The following RRP8 variants were observed in gnomAD, a reference collection of about 807,000 sequenced individuals.
The protein encoded by RRP8 is ribosomal RNA processing 8.
Under a neutral mutation model 45.0 loss-of-function variants are expected in RRP8, and 48 were observed. The observed-to-expected ratio is 1.07, with a 90% confidence interval of 0.85 to 1.36. RRP8 has a LOEUF of 1.36. Among genes scored for constraint, RRP8 ranks in the 40% most tolerant of loss-of-function variants. RRP8 has a pLI of 0.00. For synonymous variants in RRP8, 274 were observed against 212.4 expected (o/e 1.29, Z -2.52); for missense variants, 658 against 573.7 (o/e 1.15, Z -1.50).
In RRP8 at chr11:6,597,920, C is replaced by T. The variant is rs11608219; in HGVS notation, c.*2226G>A. 4.7e-3 allele frequency: 716 copies of T among 152,062 alleles called. 6 individuals are homozygous for T. The highest frequency in any genetic ancestry group is 0.038 in the Middle Eastern group (11 of 292). 9.4% of individuals were successfully genotyped at this position (152,062 alleles called of 1,614,324 possible). A position where few individuals can be genotyped will look rare whatever the true frequency, so the allele number is the denominator to read the frequency against. ...AAAAAAAAAAAAAAAATTAACTCTC[C>T]TGGTTTTACTCCTACATCTCTGGGT... On this transcript the variant is annotated 3_prime_UTR_variant, in exon 7 of 7. Transcript: ENST00000254605.
chr11:6,600,172 G>A lies in RRP8; in HGVS notation c.1345C>T (p.Gln449Ter). ...CACCTGCGCTTGTAGAGACATGGCT[G>A]AAGCTGCAGGCCTGAAAGCTGAGCC... is the stretch of plus-strand genomic sequence containing the variant. ...PKAQLSGLQL[Q>*]PCLYKRR The change falls in exon 7 of 7, where the codon CAG becomes TAG. Residue 449 changes from glutamine (Q) to a stop codon, truncating the protein, a stop_gained. Coordinates refer to ENST00000254605, the MANE Select transcript of RRP8 (RefSeq NM_015324.4). LOFTEE classifies it high-confidence loss of function. 1 of 1,600,590 alleles carries A rather than the reference G, an allele frequency of 6.2e-7. No homozygotes were observed. The highest frequency in any genetic ancestry group is 8.5e-7 in the Non-Finnish European group (1 of 1,175,498).
Position 6,603,418 on chromosome 11 carries a change from A to C in RRP8, c.85T>G (p.Ser29Ala). 6.2e-7 allele frequency: 1 copy of C among 1,602,490 alleles called. No homozygotes were observed. The highest frequency in any genetic ancestry group is 1.7e-5 in the Admixed American group (1 of 58,518). The part of the protein sequence containing the change: ...PVISRPPPAA[S>A]SQNKGSKRRQ... ...GAGTCACTCACCTTGTTTTGCGAGG[A>C]GGCCGCAGGCGGAGGTCGTGAGATT... The change falls in exon 1 of 7, where the codon TCC becomes GCC. Residue 29 changes from serine (S) to alanine (A), a missense_variant. By Grantham distance (99) the Ser-to-Ala change is moderately conservative (BLOSUM62 1). Transcript: ENST00000254605.
In RRP8 at chr11:6,596,239, G is replaced by A. The variant is rs1197939822; in HGVS notation, c.*3907C>T. The A allele has an allele frequency of 6.6e-6, 1 of 152,270 alleles. No individual in the cohort carries two copies. Among genetic ancestry groups the A allele is most frequent in the Non-Finnish European group, 1.5e-5 (1 of 68,052 alleles). 9.4% of individuals were successfully genotyped at this position (152,270 alleles called of 1,614,324 possible). On this transcript the variant is annotated 3_prime_UTR_variant, in exon 7 of 7. Coordinates refer to ENST00000254605, the MANE Select transcript of RRP8 (RefSeq NM_015324.4). ...GGTATGAATTCAGGAAGATGAAAAT[G>A]AGCTCACTGGGGAAAGAGTATTCAA...
intron 2 of RRP8, 105 bp from the exon 3 acceptor site, chr11:6,601,707 G>A (rs186050808): frequency 6.7e-7 from 1 of 1,481,766 alleles, no homozygotes; most frequent in Non-Finnish European, 9.0e-7. Flanking sequence ...TCGTGACTGT[G>A]GCCTGCAGAG....
rs1233739074 is a variant in RRP8 at position 6,599,854 on chromosome 11, G to C, written c.*292C>G. ...GTTGGAAAGAAGAGCAAAACCTAAAGATGCCTTGAATTCCAAACCATCTAG... is the reference window on the plus strand; with the variant it reads ...GTTGGAAAGAAGAGCAAAACCTAAACATGCCTTGAATTCCAAACCATCTAG... On this transcript the variant is annotated 3_prime_UTR_variant, in exon 7 of 7. Coordinates refer to ENST00000254605, the MANE Select transcript of RRP8 (RefSeq NM_015324.4). 5.1e-6 allele frequency: 1 copy of C among 195,582 alleles called. No homozygotes were observed. Among genetic ancestry groups the C allele is most frequent in the East Asian group, 1.2e-4 (1 of 8,408 alleles). The allele number at this position is 195,582 out of a possible 1,614,324, so 12.1% of individuals were successfully genotyped here.
Position 6,601,465 on chromosome 11 carries a change from T to C in RRP8, c.601A>G (p.Lys201Glu), listed in dbSNP as rs763055185. ...RQKNKRRCKN[K>E]FQPPQVPDQA... is the part of the protein sequence containing the mutation. ...TCTGGCACCTGAGGTGGCTGAAACT[T>C]GTTCTTACATCTTCTCTTGTTCTTT... Residue 201 changes from lysine (K) to glutamate (E), a missense_variant, in exon 3 of 7, where the codon AAG becomes GAG. Lys to Glu is a moderately conservative substitution (Grantham distance 56). Transcript: ENST00000254605. The C allele has an allele frequency of 1.2e-6, 2 of 1,614,040 alleles. No homozygotes were observed. The highest frequency in any genetic ancestry group is 3.3e-5 in the Admixed American group (2 of 60,026).
chr11:6,602,343 A>G (rs1210242406), intron 1 of RRP8, 128 bp from the exon 2 acceptor site: 1 of 1,135,662 alleles, frequency 8.8e-7, no homozygotes. Context: ...CAAGCCTGCC[A>G]GAACCCAGAA....
chr11:6,602,682 G>A (rs138373863), intron 1 of RRP8, among the ~76,000 whole-genome samples: 9 of 152,318 alleles, frequency 5.9e-5, no homozygotes, highest in East Asian at 1.9e-4. Context: ...AGAGGCCAGC[G>A]GCTTGGACAA....
rs1258998145 is a variant in RRP8, at chr11:6,603,538, C to T, written c.-36G>A. ...AGGGCAGGGTCGCCGAGTCCCCGCT[C>T]TTCTCCACGTGCACAGCGCTCCTCT... On this transcript the variant is annotated 5_prime_UTR_variant, in exon 1 of 7. Transcript: ENST00000254605. The T allele has an allele frequency of 1.5e-6, 2 of 1,356,458 alleles. No homozygotes were observed. Among genetic ancestry groups the T allele is most frequent in the Admixed American group, 4.5e-5 (2 of 44,802 alleles). The allele number at this position is 1,356,458 out of a possible 1,614,324, so 84.0% of individuals were successfully genotyped here.
Position 6,600,178 on chromosome 11 carries a change from G to A in RRP8, c.1339C>T (p.Gln447Ter), listed in dbSNP as rs1854306117. Reference sequence around the variant, plus strand: ...CGCTTGTAGAGACATGGCTGAAGCTGCAGGCCTGAAAGCTGAGCCTTGGGC... The same window carrying A: ...CGCTTGTAGAGACATGGCTGAAGCTACAGGCCTGAAAGCTGAGCCTTGGGC... ...VGPKAQLSGLQLQPCLYKRR is the reference protein window; with the variant it reads ...VGPKAQLSGL Residue 447 changes from glutamine to a stop codon, truncating the protein, a stop_gained, in exon 7 of 7, where the codon CAG becomes TAG. Coordinates refer to ENST00000254605, the MANE Select transcript of RRP8 (RefSeq NM_015324.4). LOFTEE classifies it high-confidence loss of function. 6.2e-7 allele frequency: 1 copy of A among 1,602,258 alleles called. No individual in the cohort carries two copies. Among genetic ancestry groups the A allele is most frequent in the South Asian group, 1.1e-5 (1 of 89,212 alleles).
At position 6,597,174 on chromosome 11, in the gene RRP8, G is replaced by C. The variant is rs137871015; in HGVS notation, c.*2972C>G. On this transcript the variant is annotated 3_prime_UTR_variant, in exon 7 of 7. Transcript: ENST00000254605. ...AAGTCTAGGAGCCTGCACTGGGAAA[G>C]GGAGGAGTGATTGGTATGCTCTTCC... 33 of 152,320 alleles carry C rather than the reference G, an allele frequency of 2.2e-4. No homozygotes were observed. The highest frequency in any genetic ancestry group is 7.5e-4 in the African/African-American group (31 of 41,580). The allele number at this position is 152,320 out of a possible 1,614,324, so 9.4% of individuals were successfully genotyped here.
At chr11:6,603,165 C>T (rs961509617) in intron 1 of RRP8, among the ~76,000 whole-genome samples, 1 of 152,322 alleles carries the variant, frequency 6.6e-6, no homozygotes, top group African/African-American at 2.4e-5. Context: ...CTCTCTTGTC[C>T]CAGGGCCCTT....
chr11:6,602,011 G>T lies in RRP8; in HGVS notation c.304C>A (p.Pro102Thr), dbSNP rs1466099985. 6.2e-7 allele frequency: 1 copy of T among 1,614,068 alleles called. No homozygotes were observed. Among genetic ancestry groups the T allele is most frequent in the African/African-American group, 1.3e-5 (1 of 75,002 alleles). Reference sequence around the variant, plus strand: ...ACTTCTTCCTCAGAGTCACTGCAAGGTGGGCCCTGTTTTTGACATTTCTTC... The same window carrying T: ...ACTTCTTCCTCAGAGTCACTGCAAGTTGGGCCCTGTTTTTGACATTTCTTC... ...GKKKCQKQGP[P>T]CSDSEEEVER... Residue 102 changes from proline to threonine, a missense_variant, in exon 2 of 7, where the codon CCT becomes ACT. Pro to Thr is a conservative substitution (Grantham distance 38, BLOSUM62 -1). Transcript: ENST00000254605.
Position 6,600,204 on chromosome 11 carries a change from C to T in RRP8, c.1313G>A (p.Gly438Glu). 3 of 1,608,270 alleles carry T rather than the reference C, an allele frequency of 1.9e-6. No homozygotes were observed. The highest frequency in any genetic ancestry group is 2.5e-6 in the Non-Finnish European group (3 of 1,177,986). The change falls in exon 7 of 7, where the codon GGG (glycine) becomes GAG (glutamate). Residue 438 changes from glycine to glutamate, a missense_variant. By Grantham distance (98) the Gly-to-Glu change is moderately conservative (BLOSUM62 -2). Coordinates refer to ENST00000254605, the MANE Select transcript of RRP8 (RefSeq NM_015324.4). The part of the protein sequence containing the change: ...DFQKTGPPLV[G>E]PKAQLSGLQL... ...CAGGCCTGAAAGCTGAGCCTTGGGCCCTACCAGAGGGGGCCCAGTCTTTTG... is the reference window on the plus strand; with the variant it reads ...CAGGCCTGAAAGCTGAGCCTTGGGCTCTACCAGAGGGGGCCCAGTCTTTTG...
Position 6,595,177 on chromosome 11 carries a change from A to G in RRP8, c.*4969T>C, listed in dbSNP as rs1035501537. On this transcript the variant is annotated 3_prime_UTR_variant, in exon 7 of 7. Coordinates refer to ENST00000254605, the MANE Select transcript of RRP8 (RefSeq NM_015324.4). The stretch of plus-strand genomic sequence containing the variant: ...AGCCTGAAATTCCTGGGCTCAAGCA[A>G]TCCTCCCACCTCAGCCTTCCTAGTA... 1 of 152,018 alleles carries G rather than the reference A, an allele frequency of 6.6e-6. No individual in the cohort carries two copies. The highest frequency in any genetic ancestry group is 6.6e-5 in the Admixed American group (1 of 15,250). The allele number at this position is 152,018 out of a possible 1,614,324, so 9.4% of individuals were successfully genotyped here.
At position 6,602,120 on chromosome 11, in the gene RRP8, C is replaced by T. The variant is rs1564836885; in HGVS notation, c.195G>A (p.Glu65=). 1 of 1,612,526 alleles carries T rather than the reference C, an allele frequency of 6.2e-7. No individual in the cohort carries two copies. Among genetic ancestry groups the T allele is most frequent in the East Asian group, 2.2e-5 (1 of 44,868 alleles). The change falls in exon 2 of 7, where the codon GAG becomes GAA. Residue 65 remains glutamate, a synonymous_variant. Transcript: ENST00000254605. Reference sequence around the variant, plus strand: ...TCTTCTTCCTTTCCTCCTCCTCCTCCTCAGAGTCACTTATACATAGGCTGG... The same window carrying T: ...TCTTCTTCCTTTCCTCCTCCTCCTCTTCAGAGTCACTTATACATAGGCTGG... ...HPPSLCISDS[E]EEEEERKKKC...
chr11:6,602,003 A>C lies in RRP8; in HGVS notation c.312T>G (p.Ser104Arg). 5.6e-6 allele frequency: 9 copies of C among 1,614,090 alleles called. No individual in the cohort carries two copies. Among genetic ancestry groups the C allele is most frequent in the Non-Finnish European group, 7.6e-6 (9 of 1,180,014 alleles). The change falls in exon 2 of 7, where the codon AGT (serine) becomes AGG (arginine). Residue 104 changes from serine to arginine, a missense_variant. Ser to Arg is a moderately radical substitution (Grantham distance 110). Transcript: ENST00000254605. ...KKCQKQGPPC[S>R]DSEEEVERKK... Reference sequence around the variant, plus strand: ...TCCTTTCTACTTCTTCCTCAGAGTCACTGCAAGGTGGGCCCTGTTTTTGAC... The same window carrying C: ...TCCTTTCTACTTCTTCCTCAGAGTCCCTGCAAGGTGGGCCCTGTTTTTGAC...
intron 1 of RRP8, 63 bp downstream of exon 1, chr11:6,603,341 G>T: frequency 8.2e-7 from 1 of 1,219,876 alleles, no homozygotes; most frequent in Non-Finnish European, 1.2e-6. Flanking sequence ...ACACAGCGCT[G>T]GGATCCACCA....
chr11:6,595,340 C>T lies in RRP8; in HGVS notation c.*4806G>A, dbSNP rs1854209511. On this transcript the variant is annotated 3_prime_UTR_variant, in exon 7 of 7. Coordinates refer to ENST00000254605, the MANE Select transcript of RRP8 (RefSeq NM_015324.4). ...AGAGTATTAACAATGTAGAAGGACC[C>T]TTGAAACGAAGCCAAAAAGATAGGG... 6.6e-6 allele frequency: 1 copy of T among 152,016 alleles called. No individual in the cohort carries two copies. Among genetic ancestry groups the T allele is most frequent in the African/African-American group, 2.4e-5 (1 of 41,394 alleles). The allele number at this position is 152,016 out of a possible 1,614,324, so 9.4% of individuals were successfully genotyped here. A position where few individuals can be genotyped will look rare whatever the true frequency, so the allele number is the denominator to read the frequency against.
Sources: allele counts gnomAD v4.1 joint callset (sites outside exome capture counted in the v4.1 genomes callset), GRCh38; gene constraint gnomAD v4.1.1; transcripts MANE v1.5; gene names NCBI Gene and HGNC (gene_info 2026-07-23, HGNC 2026-07-21).